The following TTC7A variants were observed in gnomAD, a reference collection of about 807,000 sequenced individuals.
TTC7A encodes the protein tetratricopeptide repeat domain 7A.
A neutral mutation model predicts 103.7 loss-of-function variants in TTC7A; 110 were observed. That is an observed-to-expected ratio of 1.06 (90% confidence interval 0.91 to 1.24). The LOEUF is 1.24. TTC7A is among the 50% of genes most tolerant of loss of function. TTC7A has a pLI of 0.00. For missense variants in TTC7A, 1,340 were observed against 1,116.3 expected, an observed-to-expected ratio of 1.20 and a Z score of -2.86; for synonymous variants, 521 against 467.9, an observed-to-expected ratio of 1.11 and a Z score of -1.47.
intron 5 of TTC7A, among the ~76,000 whole-genome samples, chr2:46,983,307 G>T (rs553453073): frequency 3.5e-4 from 54 of 152,340 alleles, no homozygotes; most frequent in African/African-American, 1.1e-3. Flanking sequence ...AAGCACAGCT[G>T]CCTCGCTCCA....
Position 47,017,957 on chromosome 2 carries a change from T to C in TTC7A, c.1393-3905T>C, listed in dbSNP as rs559555534. Among the ~76,000 whole-genome samples, 50 of 152,222 alleles carry C rather than the reference T, an allele frequency of 3.3e-4. No individual in the cohort carries two copies. The South Asian group carries it at 0.01, about 31-fold the overall frequency. ...ATGGATATATATATATTAGTATATA[T>C]GAGTAGTTGTAATTGATATACATAT... On this transcript the variant is annotated intron_variant, in intron 11 of 19. Coordinates refer to ENST00000319190, the MANE Select transcript of TTC7A (RefSeq NM_020458.4).
intron 5 of TTC7A, among the ~76,000 whole-genome samples, chr2:46,992,765 A>G (rs935278558): frequency 2.6e-5 from 4 of 152,230 alleles, no homozygotes; most frequent in African/African-American, 9.6e-5. Flanking sequence ...CATGTTACAA[A>G]ATGGGGGTAG....
chr2:46,916,259 A>C, exon 1 of TTC7A: 1 of 790,874 alleles, frequency 1.3e-6, no homozygotes. Context: ...AACGACCACA[A>C]CACGCTGGAG....
chr2:47,046,200 C>G (rs1358720014), intron 15 of TTC7A, 115 bp from the exon 16 acceptor site: 2 of 778,394 alleles, frequency 2.6e-6, no homozygotes, highest in Non-Finnish European at 4.5e-6. Context: ...TCATGGCACT[C>G]TGCTTTCTGC....
chr2:47,052,009 C>T, intron 18 of TTC7A, 129 bp downstream of exon 18: 1 of 1,217,004 alleles, frequency 8.2e-7, no homozygotes, highest in Non-Finnish European at 1.1e-6. Flanking sequence ...GTTACAGAGT[C>T]CTCGCCTCTG....
chr2:46,975,483 C>T (rs1266116821), intron 4 of TTC7A, among the ~76,000 whole-genome samples: 1 of 151,914 alleles, frequency 6.6e-6, no homozygotes, highest in Non-Finnish European at 1.5e-5. Flanking sequence ...TGTGAGGAAG[C>T]AGGATCTTGG....
chr2:46,917,191 T>A (rs766166575), exon 2 of TTC7A: 144 of 699,010 alleles, frequency 2.1e-4, no homozygotes, highest in Middle Eastern at 2.3e-4. Context: ...AAGAAAAGAG[T>A]CTCCATGGTG....
chr2:46,926,285 A>G (rs146197911), intron 2 of TTC7A, among the ~76,000 whole-genome samples: 1 of 152,352 alleles, frequency 6.6e-6, no homozygotes, highest in Non-Finnish European at 1.5e-5. Flanking sequence ...CACACTGAGT[A>G]TATGCCATTG....
chr2:46,955,013 C>T (rs1671724834), intron 2 of TTC7A, among the ~76,000 whole-genome samples: 1 of 152,220 alleles, frequency 6.6e-6, no homozygotes, highest in Non-Finnish European at 1.5e-5. Flanking sequence ...ATCAGCATGC[C>T]TGAAATGTCC....
chr2:47,039,538 A>G (rs1456227260), intron 15 of TTC7A, among the ~76,000 whole-genome samples: 2 of 152,200 alleles, frequency 1.3e-5, no homozygotes, highest in African/African-American at 2.4e-5. Context: ...AATATCCCCT[A>G]TCTACAAGAT....
At chr2:47,064,034 G>A (rs1284157325) in intron 19 of TTC7A, among the ~76,000 whole-genome samples, 2 of 152,208 alleles carry the variant, frequency 1.3e-5, no homozygotes, top group African/African-American at 2.4e-5. Context: ...TCCCCCTGTC[G>A]GTGCCCTAGA....
intron 2 of TTC7A, among the ~76,000 whole-genome samples, chr2:46,951,012 T>C (rs1671358758): frequency 6.6e-6 from 1 of 152,240 alleles, no homozygotes; most frequent in Non-Finnish European, 1.5e-5. Context: ...TTTGGGCTCC[T>C]TGGGTCAGGG....
intron 2 of TTC7A, among the ~76,000 whole-genome samples, chr2:46,952,558 C>T (rs1017744646): frequency 6.6e-6 from 1 of 152,148 alleles, no homozygotes; most frequent in Non-Finnish European, 1.5e-5. Context: ...TGAGATCAGA[C>T]TGGGCAACAT....
chr2:46,917,077 C>T lies in TTC7A; in HGVS notation c.-12-107C>T. ...CCTTGAAAGTTGCCTAACGCCACTGCCATTGACGGTCTCATTCCTTTTCCC... is the reference window on the plus strand; with the variant it reads ...CCTTGAAAGTTGCCTAACGCCACTGTCATTGACGGTCTCATTCCTTTTCCC... On this transcript the variant is annotated intron_variant, in intron 1 of 20. Coordinates refer to the TTC7A transcript ENST00000409245. The T allele has an allele frequency of 4.5e-6, 3 of 673,004 alleles. No individual in the cohort carries two copies. In the East Asian group the frequency reaches 8.1e-5, roughly 18 times the overall value. The allele number at this position is 673,004 out of a possible 1,614,324, so 41.7% of individuals were successfully genotyped here.
chr2:46,933,840 A>G (rs1164474549), intron 2 of TTC7A, among the ~76,000 whole-genome samples: 1 of 152,226 alleles, frequency 6.6e-6, no homozygotes, highest in East Asian at 1.9e-4. Flanking sequence ...AGTGTCATAA[A>G]AAAGTCAGAG....
chr2:47,074,204 G>T lies in TTC7A; in HGVS notation c.*281G>T. 2.1e-6 allele frequency: 1 copy of T among 485,032 alleles called. No individual in the cohort carries two copies. Among genetic ancestry groups the T allele is most frequent in the Non-Finnish European group, 3.7e-6 (1 of 267,430 alleles). The allele number at this position is 485,032 out of a possible 1,614,324, so 30.0% of individuals were successfully genotyped here. A position where few individuals can be genotyped will look rare whatever the true frequency, so the allele number is the denominator to read the frequency against. On this transcript the variant is annotated 3_prime_UTR_variant, in exon 20 of 20. Transcript: ENST00000319190. ...CTCCCCAAGAGCTGGGCAGCGGGGA[G>T]CCTCACAGCTGTCCTTCACCCTCAC...
At chr2:47,059,066 G>T (rs1008059212) in intron 18 of TTC7A, among the ~76,000 whole-genome samples, 2 of 124,550 alleles carry the variant, frequency 1.6e-5, no homozygotes, top group African/African-American at 6.3e-5. Context: ...CTGTCGCCCA[G>T]GCTGGAGCAC....
At chr2:46,920,831 C>T (rs868518022) in intron 2 of TTC7A, among the ~76,000 whole-genome samples, 1 of 152,032 alleles carries the variant, frequency 6.6e-6, no homozygotes, top group Non-Finnish European at 1.5e-5. Flanking sequence ...GTATTACTCT[C>T]ACATTAAAAT....
chr2:46,978,708 G>A (rs755635358), intron 4 of TTC7A, 84 bp from the exon 5 acceptor site: 7 of 1,012,716 alleles, frequency 6.9e-6, no homozygotes, highest in Non-Finnish European at 1.1e-5. Context: ...GGACTGGGAT[G>A]GTGATGAGGC....
Sources: gnomAD v4.1 joint callset for allele counts (sites outside exome capture counted in the v4.1 genomes callset) on GRCh38, gnomAD v4.1.1 for gene constraint, MANE v1.5 for transcripts, NCBI Gene and HGNC (gene_info 2026-07-23, HGNC 2026-07-21) for gene names.